NUP160: variants seen among roughly 807,000 people sequenced by gnomAD.
The protein encoded by NUP160 is nucleoporin 160, also known as nuclear pore complex protein Nup160.
In NUP160, 94 loss-of-function variants were observed where a neutral mutation model predicts 196.9. The observed-to-expected ratio is 0.48, with a 90% CI of 0.40 to 0.57. The LOEUF (loss-of-function observed/expected upper bound fraction) is 0.57, where lower values mean the gene tolerates loss of function less well. NUP160 is among the 20% of genes least tolerant of loss of function. The pLI, the probability that NUP160 is intolerant of heterozygous loss-of-function variation, is 0.00. For missense variants in NUP160, 1,638 were observed against 1,748.3 expected, an observed-to-expected ratio of 0.94 and a Z score of 1.13; for synonymous variants, 605 against 619.7, an observed-to-expected ratio of 0.98 and a Z score of 0.35.
chr11:47,832,999 G>C (rs931313159), intron 7 of NUP160, among the ~76,000 whole-genome samples: 4 of 149,886 alleles, frequency 2.7e-5, no homozygotes, highest in Non-Finnish European at 6.0e-5. Context: ...ATGGGGGAAG[G>C]GAAGAATGAT....
Position 47,792,950 on chromosome 11 carries a change from T to C in NUP160, c.3290-4A>G, listed in dbSNP as rs2097668725. 6.2e-7 allele frequency: 1 copy of C among 1,605,728 alleles called. No homozygotes were observed. The highest frequency in any genetic ancestry group is 1.3e-5 in the African/African-American group (1 of 74,376). On this transcript the variant is annotated splice_polypyrimidine_tract_variant and splice_region_variant and intron_variant, in intron 27 of 35. Coordinates refer to ENST00000378460, the Ensembl canonical transcript of NUP160. ...TACTCAAACATCACTGTGCCAGCTA[T>C]GAGGAGATAATAAATTAGACTTTAG...
intron 20 of NUP160, among the ~76,000 whole-genome samples, chr11:47,805,135 C>CTT (rs767059863): frequency 1.4e-5 from 2 of 145,954 alleles, no homozygotes; most frequent in Admixed American, 1.4e-4. Context: ...GAATGAATGT[C>CTT]TTTTTTTTTT....
intron 2 of NUP160, among the ~76,000 whole-genome samples, chr11:47,842,918 T>G (rs558775932): frequency 1.3e-5 from 2 of 151,968 alleles, no homozygotes; most frequent in African/African-American, 4.8e-5. Flanking sequence ...AGCCTAGGAG[T>G]TCGGGCTGCA....
At chr11:47,840,131 C>T (rs773756102) in intron 3 of NUP160, 66 bp from the exon 4 acceptor site, 2 of 1,246,246 alleles carry the variant, frequency 1.6e-6, no homozygotes, top group South Asian at 1.3e-5. Context: ...CAGTTCCTCT[C>T]TATTGCTAAA....
chr11:47,806,068 C>T, intron 20 of NUP160, 85 bp downstream of exon 20: 3 of 1,296,628 alleles, frequency 2.3e-6, no homozygotes, highest in Non-Finnish European at 3.3e-6. Context: ...CCTGCCTCCA[C>T]CTCCCAAAGT....
intron 7 of NUP160, among the ~76,000 whole-genome samples, chr11:47,831,947 G>C (rs1400298976): frequency 1.5e-5 from 2 of 130,316 alleles, no homozygotes; most frequent in East Asian, 5.0e-4. Flanking sequence ...CTGTCACCAG[G>C]CTGGAGTGCA....
At chr11:47,806,950 C>T (rs2097678108) in intron 19 of NUP160, 120 bp downstream of exon 19, 1 of 670,124 alleles carries the variant, frequency 1.5e-6, no homozygotes, top group Non-Finnish European at 2.6e-6. Context: ...CTTACTCATG[C>T]CTTCTGAAAG....
intron 2 of NUP160, among the ~76,000 whole-genome samples, chr11:47,845,088 A>G (rs559829617): frequency 2.0e-4 from 30 of 152,282 alleles, no homozygotes; most frequent in African/African-American, 7.2e-4. Context: ...AACCATAAAA[A>G]TGGGCAACCA....
At chr11:47,822,560 ATTT>A (rs886533536) in intron 7 of NUP160, among the ~76,000 whole-genome samples, 54 of 148,914 alleles carry the variant, frequency 3.6e-4, no homozygotes, top group Non-Finnish European at 5.8e-4. Context: ...CCGGCCAAAA[ATTT>A]TTTTTCTTTT....
rs1054442538 is a variant in NUP160 at position 47,836,791 on chromosome 11, G to C, written c.942+96C>G. 31 of 718,386 alleles carry C rather than the reference G, an allele frequency of 4.3e-5. 1 individual carries two copies. The South Asian group carries it at 5.5e-4, about 13-fold the overall frequency. 44.5% of individuals were successfully genotyped at this position (718,386 alleles called of 1,614,324 possible). ...GTGACCAATAAGTTCCAAACCAATT[G>C]ATCTAATAATCTTTAGAGAAACAGC... On this transcript the variant is annotated intron_variant, in intron 6 of 35. Coordinates refer to ENST00000378460, the Ensembl canonical transcript of NUP160.
intron 2 of NUP160, among the ~76,000 whole-genome samples, chr11:47,842,287 A>G (rs917654937): frequency 2.0e-5 from 3 of 151,510 alleles, no homozygotes; most frequent in Admixed American, 2.0e-4. Context: ...CATCTTATCT[A>G]CTCCCAAGGA....
intron 20 of NUP160, 46 bp from the exon 21 acceptor site, chr11:47,804,664 T>A: frequency 7.8e-7 from 1 of 1,276,988 alleles, no homozygotes; most frequent in East Asian, 2.7e-5. Context: ...TGGCAAATCT[T>A]AAACATATAC....
intron 27 of NUP160, chr11:47,796,056 G>C (rs1212494610): frequency 5.0e-6 from 1 of 198,752 alleles, no homozygotes; most frequent in Non-Finnish European, 1.0e-5. Flanking sequence ...CGGGAGGCTG[G>C]GGCAGGAGAA....
At chr11:47,831,842 C>CAAAAAAAAAAAAAAAA (rs372159602) in intron 7 of NUP160, among the ~76,000 whole-genome samples, 4 of 66,682 alleles carry the variant, frequency 6.0e-5, no homozygotes, top group Admixed American at 2.7e-4. Context: ...GACTCTCTCT[C>CAAAAAAAAAAAAAAAA]AAAAAAAAAA....
In NUP160 at chr11:47,821,716, A is replaced by C; in HGVS notation, c.1277+8T>G. ...TGAGGTAGGATGACAGAATTAAGTG[A>C]CCCATACTGTTCAAAGTTGATGTAT... On this transcript the variant is annotated splice_region_variant and intron_variant, in intron 9 of 35. Transcript: ENST00000378460. The C allele has an allele frequency of 2.5e-6, 4 of 1,593,686 alleles. No homozygotes were observed. The highest frequency in any genetic ancestry group is 3.4e-6 in the Non-Finnish European group (4 of 1,161,464).
intron 14 of NUP160, 61 bp from the exon 15 acceptor site, chr11:47,813,108 T>C (rs2097682103): frequency 8.1e-7 from 1 of 1,232,916 alleles, no homozygotes; most frequent in Non-Finnish European, 1.2e-6. Context: ...TTGATTGATA[T>C]TACATTAAAA....
intron 10 of NUP160, 48 bp downstream of exon 10, chr11:47,819,326 A>T: frequency 2.2e-6 from 3 of 1,347,572 alleles, no homozygotes; most frequent in Non-Finnish European, 3.2e-6. Flanking sequence ...AAAAAAAAAA[A>T]GATCAAAGTA....
chr11:47,809,580 C>A lies in NUP160; in HGVS notation c.2242-1051G>T, dbSNP rs553700330. Among the ~76,000 whole-genome samples the A allele has an allele frequency of 1.2e-3, 179 of 151,944 alleles. 1 individual carries two copies. The highest frequency in any genetic ancestry group is 2.2e-3 in the Non-Finnish European group (149 of 67,956). ...TCTGGCCAATATGGCGAAACCCCAT[C>A]TCTATTAAAAATATAAAAATTAGCT... is the stretch of plus-strand genomic sequence containing the variant. On this transcript the variant is annotated intron_variant, in intron 17 of 35. Transcript: ENST00000378460.
intron 7 of NUP160, among the ~76,000 whole-genome samples, chr11:47,831,451 GAATA>G (rs771147730): frequency 6.6e-6 from 1 of 151,966 alleles, no homozygotes; most frequent in African/African-American, 2.4e-5. Flanking sequence ...CAACACAAAT[GAATA>G]AATAAATGGT....
Sources: allele counts gnomAD v4.1 joint callset (sites outside exome capture counted in the v4.1 genomes callset), GRCh38; gene constraint gnomAD v4.1.1; transcripts MANE v1.5; gene names NCBI Gene and HGNC (gene_info 2026-07-23, HGNC 2026-07-21).